Variants in FAM110B observed in about 807,000 individuals in gnomAD.
The protein encoded by FAM110B is protein FAM110B.
In FAM110B, 6 loss-of-function variants were observed where a neutral mutation model predicts 20.4. That is an observed-to-expected ratio of 0.29 (90% CI 0.16 to 0.58). The LOEUF (loss-of-function observed/expected upper bound fraction) is 0.58, where lower values mean the gene tolerates loss of function less well. Among genes scored for constraint, FAM110B ranks in the 20% least tolerant of loss-of-function variants. FAM110B has a pLI of 0.90. For synonymous variants in FAM110B, 226 were observed against 214.1 expected (o/e 1.06, Z -0.49); for missense variants, 434 against 498.2 (o/e 0.87, Z 1.23).
intron 2 of FAM110B, chr8:58,070,214 G>C (rs1187249715): frequency 6.6e-6 from 1 of 152,230 alleles, no homozygotes; most frequent in Non-Finnish European, 1.5e-5. Context: ...TGCTGCATTA[G>C]AGACATAGAT....
At chr8:58,064,270 G>T (rs186244557) in intron 2 of FAM110B, among the ~76,000 whole-genome samples, 1 of 152,074 alleles carries the variant, frequency 6.6e-6, no homozygotes. Flanking sequence ...GGATACCATG[G>T]TAAACACCTT....
At chr8:58,082,816 G>T (rs1367851715) in intron 3 of FAM110B, among the ~76,000 whole-genome samples, 2 of 151,440 alleles carry the variant, frequency 1.3e-5, no homozygotes, top group Middle Eastern at 3.4e-3. Flanking sequence ...TGGTAGATGT[G>T]AGACCCCCAT....
At chr8:58,102,185 G>A (rs777863536) in intron 3 of FAM110B, among the ~76,000 whole-genome samples, 3 of 152,168 alleles carry the variant, frequency 2.0e-5, no homozygotes, top group East Asian at 1.9e-4. Context: ...ACTTTGGAAC[G>A]GCTTCAGTGT....
intron 1 of FAM110B, among the ~76,000 whole-genome samples, chr8:57,995,282 T>A (rs1804161457): frequency 6.6e-6 from 1 of 152,184 alleles, no homozygotes; most frequent in Non-Finnish European, 1.5e-5. Flanking sequence ...TGGTCTCTAA[T>A]CTCGGTGTTA....
chr8:58,139,835 CAGG>C (rs1176112233), intron 3 of FAM110B, among the ~76,000 whole-genome samples: 1 of 152,060 alleles, frequency 6.6e-6, no homozygotes, highest in Non-Finnish European at 1.5e-5. Flanking sequence ...AAGGCTGAGG[CAGG>C]AGAATGGGAT....
At chr8:58,086,292 A>G (rs1806333935) in intron 3 of FAM110B, among the ~76,000 whole-genome samples, 1 of 152,206 alleles carries the variant, frequency 6.6e-6, no homozygotes, top group Admixed American at 6.5e-5. Flanking sequence ...AATTATATGA[A>G]TATATGACTT....
chr8:58,111,210 G>A (rs952447337), intron 3 of FAM110B, among the ~76,000 whole-genome samples: 1 of 152,066 alleles, frequency 6.6e-6, no homozygotes, highest in African/African-American at 2.4e-5. Context: ...TTTTGTACCA[G>A]CCCCCATGCT....
At chr8:58,099,699 C>T (rs1013537415) in intron 3 of FAM110B, among the ~76,000 whole-genome samples, 1 of 151,692 alleles carries the variant, frequency 6.6e-6, no homozygotes, top group Non-Finnish European at 1.5e-5. Context: ...AATAGATATA[C>T]GGATATGAAT....
chr8:58,139,938 A>G (rs1384150009), intron 3 of FAM110B, among the ~76,000 whole-genome samples: 1 of 152,134 alleles, frequency 6.6e-6, no homozygotes, highest in Non-Finnish European at 1.5e-5. Context: ...TTAAATAATA[A>G]TAATAATAAT....
At chr8:58,062,236 A>G (rs1258298738) in intron 2 of FAM110B, among the ~76,000 whole-genome samples, 2 of 152,220 alleles carry the variant, frequency 1.3e-5, no homozygotes, top group Admixed American at 6.5e-5. Context: ...GAAACAGGAG[A>G]AATATAGGGA....
chr8:58,003,036 G>T (rs1804330025), intron 1 of FAM110B, among the ~76,000 whole-genome samples: 1 of 152,208 alleles, frequency 6.6e-6, no homozygotes, highest in Non-Finnish European at 1.5e-5. Flanking sequence ...ATTGTAGTCA[G>T]TCTTCTCAAA....
In FAM110B at chr8:58,003,920, C is replaced by T. The variant is rs184029467; in HGVS notation, c.-512+9114C>T. The stretch of plus-strand genomic sequence containing the variant: ...GAGAGAGTCAGCCTGTCTTTTGAAG[C>T]TTTGAAGCCAGACATTGACTTCTCC... On this transcript the variant is annotated intron_variant, in intron 1 of 3. Transcript: ENST00000519262. 1.1e-4 allele frequency among the ~76,000 whole-genome samples: 16 copies of T among 152,236 alleles called. 1 individual carries two copies. The East Asian group carries it at 3.1e-3, about 29-fold the overall frequency.
rs552146556 is a variant in FAM110B, at chr8:58,067,950, G to A, written c.-413-7585G>A. Among the ~76,000 whole-genome samples, 3 of 152,332 alleles carry A rather than the reference G, an allele frequency of 2.0e-5. No homozygotes were observed. The South Asian group carries it at 6.2e-4, about 32-fold the overall frequency. Reference sequence around the variant, plus strand: ...AACAAATACTGGGTCTGAACATGTTGAAAGATAAGACCCAAGAAAGGACAG... The same window carrying A: ...AACAAATACTGGGTCTGAACATGTTAAAAGATAAGACCCAAGAAAGGACAG... On this transcript the variant is annotated intron_variant, in intron 2 of 3. Coordinates refer to ENST00000519262, the MANE Select transcript of FAM110B (RefSeq NM_001377989.1).
chr8:58,014,901 T>G (rs1333243468), intron 1 of FAM110B, among the ~76,000 whole-genome samples: 1 of 152,188 alleles, frequency 6.6e-6, no homozygotes, highest in Admixed American at 6.5e-5. Flanking sequence ...TATTAGAAAT[T>G]TTTACTAACA....
At chr8:58,005,931 A>G (rs946191007) in intron 1 of FAM110B, among the ~76,000 whole-genome samples, 1 of 152,190 alleles carries the variant, frequency 6.6e-6, no homozygotes, top group Admixed American at 6.5e-5. Context: ...GGTAACTACC[A>G]TTTATTGCCT....
chr8:58,019,644 T>A (rs1189583520), intron 1 of FAM110B, among the ~76,000 whole-genome samples: 1 of 152,136 alleles, frequency 6.6e-6, no homozygotes, highest in Admixed American at 6.5e-5. Flanking sequence ...CTTCCTTTTT[T>A]TTCTTGCAGC....
chr8:58,056,007 G>A (rs555820069), intron 2 of FAM110B, among the ~76,000 whole-genome samples: 1 of 152,284 alleles, frequency 6.6e-6, no homozygotes, highest in East Asian at 1.9e-4. Context: ...CCTAGATCAG[G>A]GGTTGGCAAA....
chr8:58,012,999 C>T (rs929224072), intron 1 of FAM110B, among the ~76,000 whole-genome samples: 1 of 152,032 alleles, frequency 6.6e-6, no homozygotes, highest in African/African-American at 2.4e-5. Flanking sequence ...TGGGATGGCT[C>T]CCAGTGGCCC....
At chr8:58,120,765 C>G (rs1056879093) in intron 3 of FAM110B, among the ~76,000 whole-genome samples, 2 of 152,052 alleles carry the variant, frequency 1.3e-5, no homozygotes, top group Non-Finnish European at 2.9e-5. Flanking sequence ...CATGAAATTC[C>G]CAAGGTGGAG....
Sources: allele counts gnomAD v4.1 joint callset (sites outside exome capture counted in the v4.1 genomes callset), GRCh38; gene constraint gnomAD v4.1.1; transcripts MANE v1.5; gene names NCBI Gene and HGNC (gene_info 2026-07-23, HGNC 2026-07-21).